GPBP1: variants seen among roughly 807,000 people sequenced by gnomAD.
The protein encoded by GPBP1 is vasculin.
A neutral mutation model predicts 56.5 loss-of-function variants in GPBP1; 13 were observed. The ratio of observed to expected loss-of-function variants is 0.23; its 90% CI spans 0.15 to 0.37. The LOEUF (loss-of-function observed/expected upper bound fraction) is 0.37, where lower values mean the gene tolerates loss of function less well. Among genes scored for constraint, GPBP1 ranks in the 10% least tolerant of loss-of-function variants. The probability of loss-of-function intolerance (pLI) is 1.00; values close to 1 mark genes in which losing one functional copy is unlikely to be tolerated. For missense variants in GPBP1, 477 were observed against 572.3 expected (o/e 0.83, Z 1.70); for synonymous variants, 204 against 188.9 (o/e 1.08, Z -0.66).
At chr5:57,207,045 A>G (rs1184425777) in intron 2 of GPBP1, among the ~76,000 whole-genome samples, 1 of 152,176 alleles carries the variant, frequency 6.6e-6, no homozygotes, top group Non-Finnish European at 1.5e-5. Flanking sequence ...TGGAGGCTGC[A>G]TTGAGTCATG....
At chr5:57,176,857 T>G (rs768890770) in intron 2 of GPBP1, among the ~76,000 whole-genome samples, 1 of 152,198 alleles carries the variant, frequency 6.6e-6, no homozygotes, top group Non-Finnish European at 1.5e-5. Flanking sequence ...TAGTGTTGCA[T>G]TTGGAGTTAC....
chr5:57,193,821 A>G (rs975291441), intron 2 of GPBP1, among the ~76,000 whole-genome samples: 5 of 152,158 alleles, frequency 3.3e-5, no homozygotes, highest in African/African-American at 1.2e-4. Flanking sequence ...TTTATTCAGG[A>G]AACAGTAAAA....
At chr5:57,193,131 A>T (rs1561328246) in intron 2 of GPBP1, among the ~76,000 whole-genome samples, 1 of 152,130 alleles carries the variant, frequency 6.6e-6, no homozygotes, top group African/African-American at 2.4e-5. Context: ...AGCCTGGCCA[A>T]CATGGTGAAA....
At chr5:57,219,727 AT>A (rs1487317889) in intron 3 of GPBP1, among the ~76,000 whole-genome samples, 1 of 151,950 alleles carries the variant, frequency 6.6e-6, no homozygotes, top group African/African-American at 2.4e-5. Context: ...TTTTTAAGTG[AT>A]TTCATAGCTA....
At chr5:57,242,631 G>A (rs938718544) in intron 6 of GPBP1, among the ~76,000 whole-genome samples, 1 of 152,076 alleles carries the variant, frequency 6.6e-6, no homozygotes, top group Non-Finnish European at 1.5e-5. Context: ...TTTTCATGGA[G>A]ATGATGTCTC....
At chr5:57,253,722 A>G (rs907771242) in intron 10 of GPBP1, among the ~76,000 whole-genome samples, 3 of 152,084 alleles carry the variant, frequency 2.0e-5, no homozygotes, top group African/African-American at 4.8e-5. Flanking sequence ...AATTTTTTCA[A>G]ATGTTTTAAT....
intron 3 of GPBP1, among the ~76,000 whole-genome samples, chr5:57,229,941 G>GCATCGCGTCCCGTCCCGTCC (rs374114069): frequency 1.4e-5 from 2 of 146,076 alleles, no homozygotes; most frequent in Non-Finnish European, 3.0e-5. Context: ...GCATCGCATC[G>GCATCGCGTCCCGTCCCGTCC]CGTCCCGTCC....
At chr5:57,236,307 T>C (rs1015444717) in intron 6 of GPBP1, among the ~76,000 whole-genome samples, 1 of 152,196 alleles carries the variant, frequency 6.6e-6, no homozygotes, top group Non-Finnish European at 1.5e-5. Context: ...TGTAATGAAT[T>C]GATACCATTT....
chr5:57,251,973 T>C (rs549438059), intron 10 of GPBP1, among the ~76,000 whole-genome samples: 17 of 152,272 alleles, frequency 1.1e-4, no homozygotes, highest in East Asian at 9.7e-4. Context: ...GAGAAATAAC[T>C]GTATAAATAC....
chr5:57,255,595 T>TAAAAG (rs1172672223), intron 10 of GPBP1, among the ~76,000 whole-genome samples: 2 of 152,342 alleles, frequency 1.3e-5, no homozygotes, highest in African/African-American at 4.8e-5. Context: ...GCATAGGCAG[T>TAAAAG]AAAAGAATAC....
At position 57,246,283 on chromosome 5, in the gene GPBP1, A is replaced by C; in HGVS notation, c.479-17A>C. On this transcript the variant is annotated splice_polypyrimidine_tract_variant and intron_variant, in intron 6 of 11. Coordinates refer to ENST00000506184, the MANE Select transcript of GPBP1 (RefSeq NM_022913.4). ...TTGAAATTGTGAGTGACTCTTGGTC[A>C]TGCTTTATTTATGCAGAATATCCTC... 1 of 1,593,812 alleles carries C rather than the reference A, an allele frequency of 6.3e-7. No individual in the cohort carries two copies. The highest frequency in any genetic ancestry group is 1.1e-5 in the South Asian group (1 of 89,058).
At chr5:57,225,465 C>T (rs529750397) in intron 3 of GPBP1, among the ~76,000 whole-genome samples, 1 of 143,712 alleles carries the variant, frequency 7.0e-6, no homozygotes, top group South Asian at 2.3e-4. Context: ...CTGCACTGCA[C>T]CCTGGGAGTC....
At chr5:57,219,268 C>G (rs1167592085) in intron 3 of GPBP1, among the ~76,000 whole-genome samples, 1 of 148,114 alleles carries the variant, frequency 6.8e-6, no homozygotes, top group Admixed American at 6.8e-5. Flanking sequence ...CCCAGCTACT[C>G]GGGAGGCTGA....
At chr5:57,204,773 G>A (rs543752718) in intron 2 of GPBP1, among the ~76,000 whole-genome samples, 1 of 152,218 alleles carries the variant, frequency 6.6e-6, no homozygotes, top group Admixed American at 6.5e-5. Flanking sequence ...TGTTGATTAA[G>A]GGTGCATTTG....
At position 57,262,852 on chromosome 5, in the gene GPBP1, A is replaced by ACC; in HGVS notation, c.*103_*104dup. The ACC allele has an allele frequency of 9.2e-7, 1 of 1,087,704 alleles. No individual in the cohort carries two copies. Among genetic ancestry groups the ACC allele is most frequent in the Non-Finnish European group, 1.3e-6 (1 of 752,148 alleles). 67.4% of individuals were successfully genotyped at this position (1,087,704 alleles called of 1,614,324 possible). On this transcript the variant is annotated 3_prime_UTR_variant, in exon 12 of 12. Transcript: ENST00000506184. ...AGAACTATAATTTATGTAGTGAAAT[A>ACC]CCCCATTAGAAGAGGATTTTTTGGG... is the stretch of plus-strand genomic sequence containing the variant.
chr5:57,205,326 G>A (rs192263005), intron 2 of GPBP1, among the ~76,000 whole-genome samples: 6 of 152,216 alleles, frequency 3.9e-5, no homozygotes, highest in Admixed American at 3.9e-4. Context: ...GTCTATTGAT[G>A]GACATTTGGG....
At chr5:57,219,375 C>CAAAAAAAAAAAAAAAAAACAAAAAAACCA (rs1755830293) in intron 3 of GPBP1, among the ~76,000 whole-genome samples, 2 of 35,318 alleles carry the variant, frequency 5.7e-5, no homozygotes, top group African/African-American at 1.1e-4. Flanking sequence ...GACTCTGTCT[C>CAAAAAAAAAAAAAAAAAACAAAAAAACCA]AAAAAAAAAA....
At chr5:57,225,924 A>T (rs892069937) in intron 3 of GPBP1, among the ~76,000 whole-genome samples, 1 of 152,230 alleles carries the variant, frequency 6.6e-6, no homozygotes, top group African/African-American at 2.4e-5. Context: ...TTTCGTTATG[A>T]TTAATAACAA....
intron 3 of GPBP1, among the ~76,000 whole-genome samples, chr5:57,222,424 A>G (rs1475597831): frequency 1.3e-5 from 2 of 152,210 alleles, no homozygotes; most frequent in Non-Finnish European, 2.9e-5. Context: ...GATTATTAGG[A>G]TAGTAGACTA....
Sources: allele counts gnomAD v4.1 joint callset (sites outside exome capture counted in the v4.1 genomes callset), GRCh38; gene constraint gnomAD v4.1.1; transcripts MANE v1.5; gene names NCBI Gene and HGNC (gene_info 2026-07-23, HGNC 2026-07-21).